TNIK: variants seen among roughly 807,000 people sequenced by gnomAD.
TNIK encodes the protein TRAF2 and NCK interacting kinase.
A neutral mutation model predicts 191.3 loss-of-function variants in TNIK; 49 were observed. The ratio of observed to expected loss-of-function variants is 0.26; its 90% confidence interval spans 0.20 to 0.32. The LOEUF (loss-of-function observed/expected upper bound fraction) is 0.32. TNIK is among the 10% of genes least tolerant of loss of function. The probability of loss-of-function intolerance (pLI) is 1.00; values close to 1 mark genes in which losing one functional copy is unlikely to be tolerated. For synonymous variants in TNIK, 594 were observed against 600.9 expected, an observed-to-expected ratio of 0.99 and a Z score of 0.17; for missense variants, 1,155 against 1,702.3, an observed-to-expected ratio of 0.68 and a Z score of 5.66.
At chr3:171,113,869 A>G (rs1726257012) in intron 18 of TNIK, among the ~76,000 whole-genome samples, 1 of 151,620 alleles carries the variant, frequency 6.6e-6, no homozygotes, top group South Asian at 2.1e-4. Context: ...TGCGTTGAGC[A>G]CAGAGCCATA....
At chr3:171,340,134 A>G (rs998532952) in intron 2 of TNIK, among the ~76,000 whole-genome samples, 1 of 152,222 alleles carries the variant, frequency 6.6e-6, no homozygotes, top group Admixed American at 6.5e-5. Flanking sequence ...AAATGCTAAT[A>G]TTTTTAAAGT....
At chr3:171,409,202 T>C (rs1397413445) in intron 1 of TNIK, among the ~76,000 whole-genome samples, 6 of 152,200 alleles carry the variant, frequency 3.9e-5, no homozygotes, top group African/African-American at 1.4e-4. Context: ...TATTTGCATA[T>C]CCTTGCAAAG....
chr3:171,401,509 G>T (rs530367733), intron 1 of TNIK, among the ~76,000 whole-genome samples: 46 of 152,176 alleles, frequency 3.0e-4, no homozygotes, highest in Non-Finnish European at 4.4e-4. Context: ...GAAGGAGAGG[G>T]TTCAGGGTTC....
At chr3:171,107,000 T>C (rs187155001) in intron 21 of TNIK, among the ~76,000 whole-genome samples, 183 bp downstream of exon 21, 1 of 152,294 alleles carries the variant, frequency 6.6e-6, no homozygotes, top group Admixed American at 6.5e-5. Context: ...TCTGAAGCTA[T>C]ATGGGTAGGT....
intron 2 of TNIK, among the ~76,000 whole-genome samples, chr3:171,274,501 G>C (rs944596033): frequency 6.6e-6 from 1 of 152,030 alleles, no homozygotes; most frequent in Non-Finnish European, 1.5e-5. Flanking sequence ...AAGCCAGGAG[G>C]GGGAAGTTAA....
rs994437890 is a variant in TNIK, at chr3:171,409,942, C to T, written c.58-40257G>A. Among the ~76,000 whole-genome samples the T allele has an allele frequency of 2.0e-5, 3 of 151,830 alleles. No individual in the cohort carries two copies. In the South Asian group the frequency reaches 6.3e-4, roughly 32 times the overall value. On this transcript the variant is annotated intron_variant, in intron 1 of 32. Transcript: ENST00000436636. ...CTACCTATCCCAGTGTTTCTTCTGG[C>T]CTATGCAACACTTGCTTTGCATGTA... is the stretch of plus-strand genomic sequence containing the variant.
At chr3:171,156,892 C>T (rs1733255031) in intron 12 of TNIK, among the ~76,000 whole-genome samples, 1 of 152,210 alleles carries the variant, frequency 6.6e-6, no homozygotes, top group Non-Finnish European at 1.5e-5. Context: ...CACTTATCTG[C>T]TTATTCACTG....
intron 1 of TNIK, among the ~76,000 whole-genome samples, chr3:171,385,890 C>A (rs1157538580): frequency 6.6e-6 from 1 of 152,138 alleles, no homozygotes; most frequent in Non-Finnish European, 1.5e-5. Flanking sequence ...GACAAAATGG[C>A]AGACATGCAT....
chr3:171,311,039 T>C (rs934715881), intron 2 of TNIK, among the ~76,000 whole-genome samples: 5 of 152,134 alleles, frequency 3.3e-5, no homozygotes, highest in Admixed American at 6.6e-5. Context: ...TCACCGCTCC[T>C]ACTCATTAAA....
chr3:171,139,409 C>CACACACACACACAA, intron 14 of TNIK, 61 bp downstream of exon 14: 1 of 1,483,594 alleles, frequency 6.7e-7, no homozygotes, highest in Non-Finnish European at 9.4e-7. Flanking sequence ...CACACACACA[C>CACACACACACACAA]ACACAAACAC....
At chr3:171,215,543 T>C (rs1440009959) in intron 3 of TNIK, among the ~76,000 whole-genome samples, 1 of 152,208 alleles carries the variant, frequency 6.6e-6, no homozygotes, top group Non-Finnish European at 1.5e-5. Context: ...TTCTTAATTC[T>C]TTACAGAAAA....
At chr3:171,269,926 G>A (rs1339631622) in intron 2 of TNIK, among the ~76,000 whole-genome samples, 1 of 152,126 alleles carries the variant, frequency 6.6e-6, no homozygotes, top group Non-Finnish European at 1.5e-5. Context: ...AAGTTTCAGA[G>A]AAGTTTAAGT....
At chr3:171,235,432 GC>G in intron 2 of TNIK, among the ~76,000 whole-genome samples, 1 of 152,106 alleles carries the variant, frequency 6.6e-6, no homozygotes, top group Non-Finnish European at 1.5e-5. Context: ...TGTACATGCA[GC>G]CAACTCTTCA....
At chr3:171,071,871 G>A (rs950883552) in intron 28 of TNIK, among the ~76,000 whole-genome samples, 1 of 152,100 alleles carries the variant, frequency 6.6e-6, no homozygotes, top group African/African-American at 2.4e-5. Context: ...AAAGGGCTAC[G>A]AATACTGACA....
In TNIK at chr3:171,124,938, C is replaced by CT. The variant is rs1262103120; in HGVS notation, c.2013+973dup. 4.6e-5 allele frequency among the ~76,000 whole-genome samples: 7 copies of CT among 152,040 alleles called. No homozygotes were observed. In the East Asian group the frequency reaches 7.7e-4, roughly 17 times the overall value. On this transcript the variant is annotated intron_variant, in intron 17 of 32. Coordinates refer to ENST00000436636, the MANE Select transcript of TNIK (RefSeq NM_015028.4). The stretch of plus-strand genomic sequence containing the variant: ...TATTGACTTTTGCTCCCTATGTACC[C>CT]TTTTTTTTCTGATGGCATTTCTGCT...
chr3:171,107,588 G>T (rs1039093079), intron 20 of TNIK, among the ~76,000 whole-genome samples: 1 of 152,164 alleles, frequency 6.6e-6, no homozygotes, highest in African/African-American at 2.4e-5. Flanking sequence ...ATGCTAAGTT[G>T]TTACGACGCC....
intron 11 of TNIK, among the ~76,000 whole-genome samples, chr3:171,160,233 A>G (rs1733804567): frequency 6.6e-6 from 1 of 152,214 alleles, no homozygotes; most frequent in African/African-American, 2.4e-5. Context: ...GCAGGTGAAG[A>G]GAGAAAAACT....
intron 28 of TNIK, among the ~76,000 whole-genome samples, chr3:171,077,104 A>G (rs925107180): frequency 1.2e-5 from 1 of 81,318 alleles, no homozygotes; most frequent in Non-Finnish European, 2.3e-5. Flanking sequence ...CTTGTTTTCT[A>G]TGTATCTCTC....
chr3:171,396,912 T>C (rs1720328340), intron 1 of TNIK, among the ~76,000 whole-genome samples: 2 of 152,206 alleles, frequency 1.3e-5, no homozygotes, highest in African/African-American at 2.4e-5. Flanking sequence ...AATGGACTCA[T>C]ATTGAAGACC....
Sources: gnomAD v4.1 joint callset for allele counts (sites outside exome capture counted in the v4.1 genomes callset) on GRCh38, gnomAD v4.1.1 for gene constraint, MANE v1.5 for transcripts, NCBI Gene and HGNC (gene_info 2026-07-23, HGNC 2026-07-21) for gene names.